RAB3IL1: variants seen among roughly 807,000 people sequenced by gnomAD.
RAB3IL1 encodes the protein RAB3A interacting protein like 1.
In RAB3IL1, 37 loss-of-function variants were observed where a neutral mutation model predicts 49.2. The observed-to-expected ratio is 0.75, with a 90% CI of 0.58 to 0.99. The LOEUF (loss-of-function observed/expected upper bound fraction) is 0.99, where lower values mean the gene tolerates loss of function less well. Ranked by LOEUF, RAB3IL1 falls within the 50% of genes least tolerant of loss-of-function variation. RAB3IL1 has a pLI of 0.00. For missense variants in RAB3IL1, 484 were observed against 513.0 expected, an observed-to-expected ratio of 0.94 and a Z score of 0.55; for synonymous variants, 193 against 213.9, an observed-to-expected ratio of 0.90 and a Z score of 0.85.
the RAB3IL1 span, among the ~76,000 whole-genome samples, chr11:61,934,319 T>TACACACACACACACACACAC: frequency 1.6e-3 from 206 of 126,542 alleles, no homozygotes; most frequent in African/African-American, 5.7e-3. Flanking sequence ...TGAGTAAATA[T>TACACACACACACACACACAC]ACACACACAC....
rs1939747262 is a variant in RAB3IL1 at position 61,917,418 on chromosome 11, C to T, written c.-51G>A. Reference sequence around the variant, plus strand: ...TCCGTTCCCAGCGCCGCCGCGTCCTCCCAGCGCCGCGTCCCCGCCCGCCGC... The same window carrying T: ...TCCGTTCCCAGCGCCGCCGCGTCCTTCCAGCGCCGCGTCCCCGCCCGCCGC... On this transcript the variant is annotated 5_prime_UTR_variant, in exon 1 of 10. Transcript: ENST00000394836. 4 of 1,207,338 alleles carry T rather than the reference C, an allele frequency of 3.3e-6. No individual in the cohort carries two copies. The highest frequency in any genetic ancestry group is 3.1e-6 in the Non-Finnish European group (3 of 974,448). 74.8% of individuals were successfully genotyped at this position (1,207,338 alleles called of 1,614,324 possible).
intron 1 of RAB3IL1, among the ~76,000 whole-genome samples, chr11:61,910,151 G>T (rs1217471288): frequency 6.6e-6 from 1 of 152,234 alleles, no homozygotes; most frequent in African/African-American, 2.4e-5. Flanking sequence ...TGACAGTGCT[G>T]GGACAGGTGG....
At chr11:61,934,319 T>TACACACACACACACACACACAC in the RAB3IL1 span, among the ~76,000 whole-genome samples, 9 of 126,526 alleles carry the variant, frequency 7.1e-5, no homozygotes, top group African/African-American at 2.6e-4. Flanking sequence ...TGAGTAAATA[T>TACACACACACACACACACACAC]ACACACACAC....
At chr11:61,917,581 A>T (rs900769409), upstream of RAB3IL1, 4 of 1,073,178 alleles carry the variant, frequency 3.7e-6, no homozygotes, top group East Asian at 6.8e-5. Context: ...CGGAGGGGGG[A>T]GCGGCCCGAG....
the RAB3IL1 span, among the ~76,000 whole-genome samples, chr11:61,942,143 G>A: frequency 6.6e-6 from 1 of 152,046 alleles, no homozygotes; most frequent in Non-Finnish European, 1.5e-5. Context: ...ACCAGAAGAT[G>A]GAGGTTGCAG....
chr11:61,926,104 CAA>C, the RAB3IL1 span, among the ~76,000 whole-genome samples: 710 of 63,936 alleles, frequency 0.011, 1 homozygote, highest in African/African-American at 0.04. Context: ...TCCTTCCTGC[CAA>C]AAAAAAAAAA....
chr11:61,898,990 G>A lies in RAB3IL1; in HGVS notation c.1066+324C>T. 1.9e-6 allele frequency: 1 copy of A among 521,688 alleles called. No individual in the cohort carries two copies. Among genetic ancestry groups the A allele is most frequent in the Non-Finnish European group, 3.7e-6 (1 of 272,176 alleles). 32.3% of individuals were successfully genotyped at this position (521,688 alleles called of 1,614,324 possible). On this transcript the variant is annotated intron_variant, in intron 9 of 9. Coordinates refer to ENST00000394836, the MANE Select transcript of RAB3IL1 (RefSeq NM_013401.4). The surrounding 1 kb of genome is among the most constrained non-coding windows in gnomAD (Gnocchi z 5.1). The stretch of plus-strand genomic sequence containing the variant: ...CAGCATGGAGTGGAGTGGGAGCAAA[G>A]GCTGGAGGTGGGTGACCCTGTGTTC...
At chr11:61,937,002 A>G in the RAB3IL1 span, among the ~76,000 whole-genome samples, 1 of 152,206 alleles carries the variant, frequency 6.6e-6, no homozygotes, top group African/African-American at 2.4e-5. Flanking sequence ...TCAAAACCAC[A>G]TGAAGAAATA....
intron 4 of RAB3IL1, among the ~76,000 whole-genome samples, chr11:61,907,017 A>G (rs374859077): frequency 1.8e-4 from 27 of 152,310 alleles, no homozygotes; most frequent in East Asian, 5.8e-4. Flanking sequence ...CATTTTGCAG[A>G]TGGGCAACCA....
At chr11:61,921,523 A>G (rs1939906689), upstream of RAB3IL1, among the ~76,000 whole-genome samples, 1 of 152,122 alleles carries the variant, frequency 6.6e-6, no homozygotes. Context: ...TCCTCTAGGA[A>G]GCCCTCCCCT....
At chr11:61,922,524 G>GAA (rs1163943740), upstream of RAB3IL1, among the ~76,000 whole-genome samples, 2 of 144,224 alleles carry the variant, frequency 1.4e-5, no homozygotes, top group Non-Finnish European at 1.5e-5. Context: ...CTCCGTCTTG[G>GAA]AAAAAAAAAA....
Position 61,898,556 on chromosome 11 carries a change from G to A in RAB3IL1, c.1067-196C>T, listed in dbSNP as rs1248336497. ...TCTTGAGCCTTGGAAACTGCTGAGTGCCGACCACACCCGAGGGATCTGTTT... is the reference window on the plus strand; with the variant it reads ...TCTTGAGCCTTGGAAACTGCTGAGTACCGACCACACCCGAGGGATCTGTTT... On this transcript the variant is annotated intron_variant, in intron 9 of 9. Coordinates refer to ENST00000394836, the MANE Select transcript of RAB3IL1 (RefSeq NM_013401.4). The surrounding 1 kb of genome is among the most constrained non-coding windows in gnomAD (Gnocchi z 5.1). Among the ~76,000 whole-genome samples, 1 of 152,192 alleles carries A rather than the reference G, an allele frequency of 6.6e-6. No individual in the cohort carries two copies. The highest frequency in any genetic ancestry group is 2.4e-5 in the African/African-American group (1 of 41,432).
intron 5 of RAB3IL1, among the ~76,000 whole-genome samples, chr11:61,905,547 T>TGGAC (rs1464203640): frequency 4.6e-5 from 7 of 151,598 alleles, no homozygotes; most frequent in East Asian, 2.0e-4. Context: ...CTGGGCCGGA[T>TGGAC]GGACAGACAG....
chr11:61,911,297 G>A (rs749521278), intron 1 of RAB3IL1, among the ~76,000 whole-genome samples: 4 of 152,176 alleles, frequency 2.6e-5, no homozygotes, highest in East Asian at 1.9e-4. Flanking sequence ...ACTCCCCAAC[G>A]CCAAAGGTGG....
chr11:61,912,164 C>T (rs572915000), intron 1 of RAB3IL1, among the ~76,000 whole-genome samples: 8 of 152,264 alleles, frequency 5.3e-5, no homozygotes, highest in African/African-American at 1.7e-4. Flanking sequence ...ACGAAGGAGA[C>T]GGCTGGGAGG....
chr11:61,905,113 A>C (rs984089413), intron 5 of RAB3IL1, among the ~76,000 whole-genome samples: 1 of 152,186 alleles, frequency 6.6e-6, no homozygotes, highest in East Asian at 1.9e-4. Context: ...GCCGGTGTTA[A>C]ATTTCTTGGC....
chr11:61,900,754 C>G (rs1400623112), intron 8 of RAB3IL1, among the ~76,000 whole-genome samples: 1 of 152,204 alleles, frequency 6.6e-6, no homozygotes, highest in African/African-American at 2.4e-5. Context: ...TTCAGACCCT[C>G]CTCACCTCAT....
At chr11:61,926,684 G>A in the RAB3IL1 span, among the ~76,000 whole-genome samples, 1 of 152,064 alleles carries the variant, frequency 6.6e-6, no homozygotes, top group Non-Finnish European at 1.5e-5. Flanking sequence ...CTCCAGAGTA[G>A]CTGGGATTAA....
chr11:61,921,891 A>G (rs1405565014), upstream of RAB3IL1, among the ~76,000 whole-genome samples: 1 of 152,158 alleles, frequency 6.6e-6, no homozygotes, highest in African/African-American at 2.4e-5. Context: ...TGAGTATTAA[A>G]GCAGATAACA....
Sources: gnomAD v4.1 joint callset for allele counts (sites outside exome capture counted in the v4.1 genomes callset) on GRCh38, gnomAD v4.1.1 for gene constraint, Gnocchi (gnomAD v3.1) non-coding constraint, MANE v1.5 for transcripts, NCBI Gene and HGNC (gene_info 2026-07-23, HGNC 2026-07-21) for gene names.